The following STXBP5L variants were observed in gnomAD, a reference collection of about 807,000 sequenced individuals.
The protein encoded by STXBP5L is syntaxin binding protein 5L.
Under a neutral mutation model 144.5 loss-of-function variants are expected in STXBP5L, and 65 were observed. That is an observed-to-expected ratio of 0.45 (90% confidence interval 0.37 to 0.55). The LOEUF (loss-of-function observed/expected upper bound fraction) is 0.55, where lower values mean the gene tolerates loss of function less well. Ranked by LOEUF, STXBP5L falls within the 20% of genes least tolerant of loss-of-function variation. The pLI is 0.00. For synonymous variants in STXBP5L, 505 were observed against 469.6 expected, an observed-to-expected ratio of 1.08 and a Z score of -0.97; for missense variants, 1,298 against 1,405.5, an observed-to-expected ratio of 0.92 and a Z score of 1.22.
intron 20 of STXBP5L, among the ~76,000 whole-genome samples, chr3:121,366,148 T>G (rs1471160728): frequency 6.6e-6 from 1 of 152,010 alleles, no homozygotes; most frequent in African/African-American, 2.4e-5. Context: ...TCTATCTTTT[T>G]AAGTCTATCA....
intron 5 of STXBP5L, among the ~76,000 whole-genome samples, chr3:121,075,598 T>G (rs966060739): frequency 1.3e-5 from 2 of 152,250 alleles, no homozygotes; most frequent in East Asian, 3.9e-4. Flanking sequence ...ACTGATTACC[T>G]GCAGCCTCTG....
chr3:121,218,375 ATATATAG>A (rs1414322142), intron 10 of STXBP5L, among the ~76,000 whole-genome samples: 1 of 145,880 alleles, frequency 6.9e-6, no homozygotes, highest in Non-Finnish European at 1.5e-5. Context: ...ATACTATATA[ATATATAG>A]TATATAGTAT....
At chr3:121,343,191 G>A (rs1174457590) in intron 20 of STXBP5L, among the ~76,000 whole-genome samples, 8 of 150,912 alleles carry the variant, frequency 5.3e-5, no homozygotes, top group South Asian at 4.2e-4. Flanking sequence ...TTTTGATGGG[G>A]TTGTTTTTTT....
At chr3:120,996,481 C>A (rs902576574) in intron 3 of STXBP5L, among the ~76,000 whole-genome samples, 5 of 152,060 alleles carry the variant, frequency 3.3e-5, no homozygotes, top group Non-Finnish European at 4.4e-5. Flanking sequence ...GACTTAAGGT[C>A]TGTTCTTTTA....
chr3:121,332,772 T>C (rs796869507), intron 20 of STXBP5L, among the ~76,000 whole-genome samples: 10 of 151,944 alleles, frequency 6.6e-5, no homozygotes, highest in African/African-American at 2.4e-4. Flanking sequence ...TTCAAAGAAC[T>C]CCTGGGAGAT....
At chr3:121,384,773 T>C (rs1003124839) in intron 22 of STXBP5L, among the ~76,000 whole-genome samples, 4 of 151,770 alleles carry the variant, frequency 2.6e-5, no homozygotes, top group Admixed American at 1.3e-4. Flanking sequence ...ATTGTAAAAA[T>C]CAAAATATAA....
intron 2 of STXBP5L, among the ~76,000 whole-genome samples, chr3:120,944,666 G>A (rs1049096301): frequency 7.3e-5 from 11 of 151,702 alleles, no homozygotes; most frequent in Admixed American, 3.3e-4. Context: ...GGTTGTTTAC[G>A]TGAGCAGGTA....
chr3:120,942,109 G>A (rs949234514), intron 2 of STXBP5L, among the ~76,000 whole-genome samples: 2 of 151,616 alleles, frequency 1.3e-5, no homozygotes, highest in East Asian at 1.9e-4. Flanking sequence ...GACCTCATTC[G>A]TTTAATCGCT....
intron 9 of STXBP5L, among the ~76,000 whole-genome samples, chr3:121,165,044 T>A (rs546299521): frequency 1.2e-4 from 18 of 152,310 alleles, no homozygotes; most frequent in African/African-American, 3.8e-4. Flanking sequence ...ACCAAAAAAA[T>A]GGTTAAATAT....
At chr3:121,197,976 A>G (rs1464336246) in intron 9 of STXBP5L, among the ~76,000 whole-genome samples, 1 of 152,202 alleles carries the variant, frequency 6.6e-6, no homozygotes, top group Non-Finnish European at 1.5e-5. Flanking sequence ...GTGTCTTTAT[A>G]GTAGAATTAT....
At chr3:120,976,931 C>G (rs1211544566) in intron 3 of STXBP5L, among the ~76,000 whole-genome samples, 3 of 151,926 alleles carry the variant, frequency 2.0e-5, no homozygotes, top group Non-Finnish European at 2.9e-5. Flanking sequence ...AATTTCTGTT[C>G]TTTTACATTT....
chr3:121,421,285 G>T lies in STXBP5L; in HGVS notation c.*2188G>T, dbSNP rs1285827841. 1 of 152,086 alleles carries T rather than the reference G, an allele frequency of 6.6e-6. No individual in the cohort carries two copies. The highest frequency in any genetic ancestry group is 2.4e-5 in the African/African-American group (1 of 41,420). The allele number at this position is 152,086 out of a possible 1,614,324, so 9.4% of individuals were successfully genotyped here. A position where few individuals can be genotyped will look rare whatever the true frequency, so the allele number is the denominator to read the frequency against. ...AGTCCAAAGTAGCAGTACATTTGAT[G>T]AGTATTTCTGAAGCCTTCAATAAGA... On this transcript the variant is annotated 3_prime_UTR_variant, in exon 27 of 27. Transcript: ENST00000471454.
At chr3:121,232,639 T>C (rs550771255) in intron 11 of STXBP5L, among the ~76,000 whole-genome samples, 1 of 152,228 alleles carries the variant, frequency 6.6e-6, no homozygotes, top group Admixed American at 6.5e-5. Flanking sequence ...CCGATTTGGG[T>C]CACCAACTTT....
intron 20 of STXBP5L, among the ~76,000 whole-genome samples, chr3:121,343,578 A>G (rs1019783178): frequency 1.3e-5 from 2 of 152,162 alleles, no homozygotes; most frequent in Non-Finnish European, 2.9e-5. Flanking sequence ...ATGTACAAAA[A>G]TCACAAGCAT....
intron 20 of STXBP5L, among the ~76,000 whole-genome samples, chr3:121,343,024 T>A (rs1188277459): frequency 6.6e-6 from 1 of 151,884 alleles, no homozygotes; most frequent in East Asian, 1.9e-4. Context: ...TCCTGACTTT[T>A]TAATGATTGT....
chr3:121,052,773 G>A (rs977976421), intron 5 of STXBP5L, among the ~76,000 whole-genome samples: 22 of 151,978 alleles, frequency 1.4e-4, no homozygotes, highest in Non-Finnish European at 2.1e-4. Flanking sequence ...AGGAAATAAA[G>A]GGTATTCAAT....
In STXBP5L at chr3:121,020,573, A is replaced by G. The variant is rs191707860; in HGVS notation, c.288-21127A>G. Among the ~76,000 whole-genome samples the G allele has an allele frequency of 3.2e-3, 481 of 152,322 alleles. 7 individuals are homozygous for G. Among genetic ancestry groups the G allele is most frequent in the Non-Finnish European group, 3.0e-3 (202 of 68,012 alleles). ...ATTAACAGCAGATTTCTCAGCAGAA[A>G]CCATACAAGCTAGAAGGGATTGGTT... On this transcript the variant is annotated intron_variant, in intron 3 of 26. Transcript: ENST00000471454.
chr3:121,288,976 G>A (rs2051324376), intron 19 of STXBP5L, among the ~76,000 whole-genome samples: 1 of 152,088 alleles, frequency 6.6e-6, no homozygotes, highest in Non-Finnish European at 1.5e-5. Flanking sequence ...CTTGAGGGTG[G>A]AGTGTGAGAG....
intron 12 of STXBP5L, among the ~76,000 whole-genome samples, chr3:121,236,495 C>T (rs2049487158): frequency 6.6e-6 from 1 of 152,132 alleles, no homozygotes; most frequent in African/African-American, 2.4e-5. Context: ...GTGCAGAAAT[C>T]ACATGGTGAG....
Sources: allele counts gnomAD v4.1 joint callset (sites outside exome capture counted in the v4.1 genomes callset), GRCh38; gene constraint gnomAD v4.1.1; transcripts MANE v1.5; gene names NCBI Gene and HGNC (gene_info 2026-07-23, HGNC 2026-07-21).